Variants in DNAH6 observed in about 807,000 individuals in gnomAD.
DNAH6 encodes axonemal beta dynein heavy chain 6.
DNAH6 carries 340 observed loss-of-function variants against 491.4 expected under a neutral mutation model. The ratio of observed to expected loss-of-function variants is 0.69; its 90% CI spans 0.63 to 0.76. The LOEUF is 0.76. Among genes scored for constraint, DNAH6 ranks in the 30% least tolerant of loss-of-function variants. The probability of loss-of-function intolerance (pLI) is 0.00; values close to 1 mark genes in which losing one functional copy is unlikely to be tolerated. For missense variants in DNAH6, 4,443 were observed against 4,972.2 expected (o/e 0.89, Z 3.20); for synonymous variants, 1,603 against 1,686.1 (o/e 0.95, Z 1.21).
chr2:84,517,987 G>C lies in DNAH6; in HGVS notation c.161G>C (p.Arg54Thr), dbSNP rs1279215438. 1 of 1,551,846 alleles carries C rather than the reference G, an allele frequency of 6.4e-7. No homozygotes were observed. The change falls in exon 2 of 77, where the codon AGG becomes ACG. Residue 54 changes from arginine (R) to threonine (T), a missense_variant. This residue lies in a region of DNAH6 where 2,977 missense variants were observed against 3,296.6 expected (regional missense o/e 0.90). Coordinates refer to ENST00000389394, the MANE Select transcript of DNAH6 (RefSeq NM_001370.2). ...NESDTQILTF[R>T]HITKAQEKTR... ...TCTGATACACAAATCCTAACGTTTA[G>C]GCACATTACAAAAGCTCAGGAGAAG...
chr2:84,583,446 C>G (rs1683238220), intron 14 of DNAH6, among the ~76,000 whole-genome samples: 1 of 152,202 alleles, frequency 6.6e-6, no homozygotes, highest in Non-Finnish European at 1.5e-5. Flanking sequence ...ACCTCCTAAC[C>G]TGATTACCTG....
chr2:84,632,894 A>G (rs1010440677), intron 29 of DNAH6, among the ~76,000 whole-genome samples: 1 of 152,090 alleles, frequency 6.6e-6, no homozygotes, highest in Non-Finnish European at 1.5e-5. Context: ...ACTTTCTCCA[A>G]AGTTGCCCGT....
chr2:84,593,375 A>G (rs867977809), intron 16 of DNAH6, among the ~76,000 whole-genome samples: 9 of 152,148 alleles, frequency 5.9e-5, no homozygotes, highest in African/African-American at 1.9e-4. Context: ...TGTGCAACCA[A>G]CTCCCTGAAG....
In DNAH6 at chr2:84,619,703, T is replaced by G; in HGVS notation, c.3591T>G (p.Asn1197Lys). Residue 1197 changes from asparagine (N) to lysine (K), a missense_variant, in exon 24 of 77, where the codon AAT becomes AAG. Asn to Lys is a moderately conservative substitution (Grantham distance 94). This residue lies in a region of DNAH6 where 2,977 missense variants were observed against 3,296.6 expected (regional missense o/e 0.90). Transcript: ENST00000389394. ...AATCCAGGTTTTACTTCTTGTCAAATGATGAACTTCTGGAGATTTTGGCCC... is the reference window on the plus strand; with the variant it reads ...AATCCAGGTTTTACTTCTTGTCAAAGGATGAACTTCTGGAGATTTTGGCCC... ...VIFPRFYFLS[N>K]DELLEILAQT... 1 of 1,551,478 alleles carries G rather than the reference T, an allele frequency of 6.4e-7. No individual in the cohort carries two copies.
intron 44 of DNAH6, 118 bp downstream of exon 44, chr2:84,686,675 G>T: frequency 1.6e-6 from 1 of 624,228 alleles, no homozygotes; most frequent in Non-Finnish European, 2.7e-6. Flanking sequence ...ATCTAGGCCA[G>T]ATGTCAGCAA....
chr2:84,595,562 C>A, intron 17 of DNAH6, 84 bp from the exon 18 acceptor site: 1 of 1,269,490 alleles, frequency 7.9e-7, no homozygotes, highest in Non-Finnish European at 1.1e-6. Flanking sequence ...TTTGGATTAA[C>A]TTTTAAAAGT....
At chr2:84,818,835 A>C (rs894348901) in intron 76 of DNAH6, among the ~76,000 whole-genome samples, 8 of 152,348 alleles carry the variant, frequency 5.3e-5, no homozygotes, top group African/African-American at 1.9e-4. Context: ...GCACTTTGGG[A>C]GGCCAAGGCA....
At position 84,701,352 on chromosome 2, in the gene DNAH6, T is replaced by C; in HGVS notation, c.8061+13T>C. On this transcript the variant is annotated intron_variant, in intron 49 of 76. Transcript: ENST00000389394. ...GCAGATTATTTCAGTAGGTTCAATATTATCCATGAAAATATTGTTTTGCTT... is the reference window on the plus strand; with the variant it reads ...GCAGATTATTTCAGTAGGTTCAATACTATCCATGAAAATATTGTTTTGCTT... The C allele has an allele frequency of 6.5e-7, 1 of 1,538,754 alleles. No homozygotes were observed. The highest frequency in any genetic ancestry group is 8.8e-7 in the Non-Finnish European group (1 of 1,137,432).
chr2:84,733,595 G>C lies in DNAH6; in HGVS notation c.10342+16G>C, dbSNP rs1456000301. On this transcript the variant is annotated intron_variant, in intron 62 of 76. Coordinates refer to ENST00000389394, the MANE Select transcript of DNAH6 (RefSeq NM_001370.2). ...ATACGCTTAGGTAATGTGACAAAAA[G>C]AACCTGCTGAGGAGGCTTATAAACA... The C allele has an allele frequency of 2.6e-6, 4 of 1,549,232 alleles. No individual in the cohort carries two copies. The African/African-American group carries it at 4.1e-5, about 16-fold the overall frequency.
In DNAH6 at chr2:84,611,908, GGACTTTA is replaced by G; in HGVS notation, c.3475+56_3475+62del. 4 of 1,445,576 alleles carry G rather than the reference GGACTTTA, an allele frequency of 2.8e-6. No homozygotes were observed. The South Asian group carries it at 5.4e-5, about 19-fold the overall frequency. 89.5% of individuals were successfully genotyped at this position (1,445,576 alleles called of 1,614,324 possible). A position where few individuals can be genotyped will look rare whatever the true frequency, so the allele number is the denominator to read the frequency against. On this transcript the variant is annotated intron_variant, in intron 22 of 76. Transcript: ENST00000389394. Reference sequence around the variant, plus strand: ...AAGACTACAATCTTTTAGTAGTCTGGGACTTTAGTCCCAGACTAAAATGTTTCTCTGG... The same window carrying G: ...AAGACTACAATCTTTTAGTAGTCTGGGTCCCAGACTAAAATGTTTCTCTGG...
intron 4 of DNAH6, among the ~76,000 whole-genome samples, chr2:84,543,750 A>G (rs1036282493): frequency 3.9e-5 from 6 of 152,182 alleles, no homozygotes; most frequent in African/African-American, 1.2e-4. Context: ...CAATTTATCA[A>G]TAATAAATAT....
chr2:84,589,582 C>G (rs1195114079), intron 16 of DNAH6, among the ~76,000 whole-genome samples: 2 of 151,882 alleles, frequency 1.3e-5, no homozygotes, highest in African/African-American at 2.4e-5. Context: ...CATGGTGGCA[C>G]ATGCCTGTAG....
intron 49 of DNAH6, among the ~76,000 whole-genome samples, chr2:84,702,481 T>C (rs76481145): frequency 2.4e-3 from 369 of 152,146 alleles, no homozygotes; most frequent in African/African-American, 8.1e-3. Flanking sequence ...CTTACCTGGT[T>C]AAATGCCTGC....
intron 58 of DNAH6, among the ~76,000 whole-genome samples, chr2:84,716,792 G>T (rs555286433): frequency 1.3e-5 from 2 of 152,252 alleles, no homozygotes; most frequent in Admixed American, 1.3e-4. Context: ...CTCAGTCATG[G>T]TGTGCAGTAT....
At chr2:84,498,836 A>G in the DNAH6 span, among the ~76,000 whole-genome samples, 1 of 152,044 alleles carries the variant, frequency 6.6e-6, no homozygotes, top group African/African-American at 2.4e-5. Flanking sequence ...TAGCTGTCAA[A>G]TGGTAAAGTC....
chr2:84,519,719 C>A (rs567266454), intron 2 of DNAH6, among the ~76,000 whole-genome samples: 1 of 150,768 alleles, frequency 6.6e-6, no homozygotes, highest in Admixed American at 6.7e-5. Flanking sequence ...TTCTACTCTT[C>A]TTCTTTTACA....
chr2:84,802,496 A>T (rs796396898), intron 70 of DNAH6, among the ~76,000 whole-genome samples: 2 of 152,202 alleles, frequency 1.3e-5, no homozygotes, highest in South Asian at 4.1e-4. Context: ...CAATTCAAGA[A>T]GATTTGATGA....
chr2:84,733,489 T>A lies in DNAH6; in HGVS notation c.10252T>A (p.Trp3418Arg), dbSNP rs756951304. Residue 3418 changes from tryptophan to arginine, a missense_variant, in exon 62 of 77, where the codon TGG becomes AGG. Coordinates refer to ENST00000389394, the MANE Select transcript of DNAH6 (RefSeq NM_001370.2). Reference sequence around the variant, plus strand: ...AGCTCCCTGGCTACCTACTGCTACATGGTTCGCATGCTGTGACTTGGAAGA... The same window carrying A: ...AGCTCCCTGGCTACCTACTGCTACAAGGTTCGCATGCTGTGACTTGGAAGA... Reference protein sequence around the residue: ...PEAPWLPTATWFACCDLEESF... With the variant: ...PEAPWLPTATRFACCDLEESF... The A allele has an allele frequency of 5.2e-6, 8 of 1,551,534 alleles. No individual in the cohort carries two copies. Among genetic ancestry groups the A allele is most frequent in the Non-Finnish European group, 6.1e-6 (7 of 1,146,810 alleles).
chr2:84,657,607 A>G (rs550367770), intron 35 of DNAH6, among the ~76,000 whole-genome samples: 134 of 152,082 alleles, frequency 8.8e-4, no homozygotes, highest in African/African-American at 3.0e-3. Context: ...TCAAATTCCA[A>G]TTGCTCCTTG....
Sources: gnomAD v4.1 joint callset for allele counts (sites outside exome capture counted in the v4.1 genomes callset) on GRCh38, gnomAD v4.1.1 for gene constraint, gnomAD v4.1.1 regional missense constraint, MANE v1.5 for transcripts, NCBI Gene and HGNC (gene_info 2026-07-23, HGNC 2026-07-21) for gene names.